The following RAD52 variants were observed in gnomAD, a reference collection of about 807,000 sequenced individuals.
The protein encoded by RAD52 is DNA repair protein RAD52 homolog.
A neutral mutation model predicts 55.5 loss-of-function variants in RAD52; 47 were observed. The observed-to-expected ratio is 0.85, with a 90% confidence interval of 0.67 to 1.08. The LOEUF (loss-of-function observed/expected upper bound fraction) is 1.08, where lower values mean the gene tolerates loss of function less well. Among genes scored for constraint, RAD52 ranks in the 50% least tolerant of loss-of-function variants. RAD52 has a pLI of 0.00. For synonymous variants in RAD52, 184 were observed against 198.9 expected (o/e 0.92, Z 0.63); for missense variants, 468 against 522.8 (o/e 0.90, Z 1.02).
chr12:990,155 T>A (rs1959168007), upstream of RAD52: 1 of 152,152 alleles, frequency 6.6e-6, no homozygotes, highest in Admixed American at 6.5e-5. Flanking sequence ...TGAGGCAGTA[T>A]AAAGTGGTTA....
At chr12:965,853 A>ACTT (rs1958755860) in intron 1 of RAD52, among the ~76,000 whole-genome samples, 1 of 151,820 alleles carries the variant, frequency 6.6e-6, no homozygotes, top group Non-Finnish European at 1.5e-5. Context: ...CACCTGGCTA[A>ACTT]TTTTTGTATT....
rs60815165 is a variant in RAD52 at position 912,746 on chromosome 12, C to CA, written c.*644dup. 1.3e-3 allele frequency: 124 copies of CA among 97,964 alleles called. 2 individuals are homozygous for CA. Among genetic ancestry groups the CA allele is most frequent in the Non-Finnish European group, 1.9e-3 (97 of 50,892 alleles). 6.1% of individuals were successfully genotyped at this position (97,964 alleles called of 1,614,324 possible). A position where few individuals can be genotyped will look rare whatever the true frequency, so the allele number is the denominator to read the frequency against. ...TCAAAAAAAAAAAAAAAAAAAAAAACAAAAAACAGCCTTTTTTCGTGGTCT... is the reference window on the plus strand; with the variant it reads ...TCAAAAAAAAAAAAAAAAAAAAAAACAAAAAAACAGCCTTTTTTCGTGGTCT... On this transcript the variant is annotated 3_prime_UTR_variant, in exon 12 of 12. Transcript: ENST00000358495.
Position 956,824 on chromosome 12 carries a change from G to C in RAD52, c.-18-23748C>G, listed in dbSNP as rs1249671993. Among the ~76,000 whole-genome samples, 3 of 152,196 alleles carry C rather than the reference G, an allele frequency of 2.0e-5. No individual in the cohort carries two copies. The East Asian group carries it at 5.8e-4, about 29-fold the overall frequency. On this transcript the variant is annotated intron_variant, in intron 1 of 11. Transcript: ENST00000430095. ...GGCCTCCCAAAGTGCTGGGATTACAGGCGTGAGCCACCGCGCCTGGCCCCA... is the reference window on the plus strand; with the variant it reads ...GGCCTCCCAAAGTGCTGGGATTACACGCGTGAGCCACCGCGCCTGGCCCCA...
chr12:950,003 C>G (rs7308582), upstream of RAD52, among the ~76,000 whole-genome samples: 150,848 of 152,334 alleles, frequency 0.99, 74,708 homozygotes, highest in East Asian at 1. Flanking sequence ...AGGCCTTCAG[C>G]GGCTAGTTAG....
At chr12:973,119 G>T (rs1958887874) in intron 1 of RAD52, among the ~76,000 whole-genome samples, 1 of 152,136 alleles carries the variant, frequency 6.6e-6, no homozygotes, top group Non-Finnish European at 1.5e-5. Flanking sequence ...GCCCAGGCTG[G>T]AGTGCAGTGG....
intron 1 of RAD52, among the ~76,000 whole-genome samples, chr12:958,746 C>A (rs1958644200): frequency 6.6e-6 from 1 of 152,150 alleles, no homozygotes. Context: ...TGGGAAGGAT[C>A]TGGGTCCTGC....
chr12:917,768 TAC>T (rs1306193205), intron 7 of RAD52, among the ~76,000 whole-genome samples: 2 of 19,260 alleles, frequency 1.0e-4, no homozygotes, highest in Admixed American at 1.4e-3. Context: ...CTACTAAAAA[TAC>T]AAAAAAAAAA....
chr12:986,572 C>T (rs1959088342), intron 1 of RAD52, among the ~76,000 whole-genome samples: 2 of 151,696 alleles, frequency 1.3e-5, no homozygotes, highest in Non-Finnish European at 2.9e-5. Flanking sequence ...GCTGTGTTGT[C>T]TGGGGTGGTC....
At chr12:959,149 A>C (rs1055246204) in intron 1 of RAD52, among the ~76,000 whole-genome samples, 1 of 152,172 alleles carries the variant, frequency 6.6e-6, no homozygotes, top group Non-Finnish European at 1.5e-5. Context: ...CTTCCTATGC[A>C]TTATCTCATT....
intron 1 of RAD52, among the ~76,000 whole-genome samples, chr12:986,852 G>C (rs1040114555): frequency 6.7e-6 from 1 of 150,020 alleles, no homozygotes; most frequent in Non-Finnish European, 1.5e-5. Flanking sequence ...ATCTAACTAA[G>C]TTCCTGGGAC....
chr12:912,428 CT>C lies in RAD52; in HGVS notation c.*962del, dbSNP rs1318741534. The C allele has an allele frequency of 5.0e-6, 1 of 201,812 alleles. No individual in the cohort carries two copies. The highest frequency in any genetic ancestry group is 1.0e-5 in the Non-Finnish European group (1 of 98,112). 12.5% of individuals were successfully genotyped at this position (201,812 alleles called of 1,614,324 possible). On this transcript the variant is annotated 3_prime_UTR_variant, in exon 12 of 12. Transcript: ENST00000358495. ...AACACAGGTGAATTCCACGTTCAGA[CT>C]TGGGTCCCATCCCCAAGGTCTCATT...
At chr12:987,324 A>G (rs771616433) in intron 1 of RAD52, among the ~76,000 whole-genome samples, 1 of 151,616 alleles carries the variant, frequency 6.6e-6, no homozygotes, top group Non-Finnish European at 1.5e-5. Flanking sequence ...TTGGAAACTT[A>G]GAATCTTCTT....
At chr12:962,215 G>T (rs1400858047) in intron 1 of RAD52, among the ~76,000 whole-genome samples, 1 of 152,166 alleles carries the variant, frequency 6.6e-6, no homozygotes, top group Admixed American at 6.5e-5. Context: ...AGATGGAGAA[G>T]TGACCACCAG....
chr12:983,912 T>A (rs1312703511), intron 1 of RAD52, among the ~76,000 whole-genome samples: 2 of 152,214 alleles, frequency 1.3e-5, no homozygotes, highest in African/African-American at 4.8e-5. Context: ...ACATATGAAT[T>A]TTGGAGGAAT....
At chr12:953,351 A>C (rs1028351956), upstream of RAD52, among the ~76,000 whole-genome samples, 17 of 152,148 alleles carry the variant, frequency 1.1e-4, no homozygotes, top group East Asian at 5.8e-4. Context: ...AGACAGAAGG[A>C]AGGCAGCCCT....
intron 11 of RAD52, 52 bp from the exon 12 acceptor site, chr12:913,504 T>G: frequency 7.9e-7 from 1 of 1,267,672 alleles, no homozygotes; most frequent in South Asian, 1.2e-5. Context: ...TAAAATAAAC[T>G]GACAGCTAAT....
At chr12:984,129 C>A (rs1959055577) in intron 1 of RAD52, among the ~76,000 whole-genome samples, 1 of 152,184 alleles carries the variant, frequency 6.6e-6, no homozygotes, top group Non-Finnish European at 1.5e-5. Flanking sequence ...AAACTCTATA[C>A]CCATTAAACA....
intron 6 of RAD52, among the ~76,000 whole-genome samples, chr12:925,907 G>A (rs1041047812): frequency 6.6e-6 from 1 of 152,008 alleles, no homozygotes; most frequent in African/African-American, 2.4e-5. Flanking sequence ...CTTGGGGACC[G>A]GGGGCTCAAG....
intron 1 of RAD52, among the ~76,000 whole-genome samples, chr12:978,895 T>TAGAC (rs1555183687): frequency 4.0e-5 from 6 of 149,516 alleles, no homozygotes; most frequent in Non-Finnish European, 5.9e-5. Flanking sequence ...GATAGGTAGA[T>TAGAC]AGATAGATAG....
Sources: gnomAD v4.1 joint callset for allele counts (sites outside exome capture counted in the v4.1 genomes callset) on GRCh38, gnomAD v4.1.1 for gene constraint, MANE v1.5 for transcripts, NCBI Gene and HGNC (gene_info 2026-07-23, HGNC 2026-07-21) for gene names.